The following CD8B variants were observed in gnomAD, a reference collection of about 807,000 sequenced individuals.
The protein encoded by CD8B is CD8 subunit beta, also known as T-cell surface glycoprotein CD8 beta chain.
In CD8B, 6 loss-of-function variants were observed where a neutral mutation model predicts 24.2. The observed-to-expected ratio is 0.25, with a 90% CI of 0.14 to 0.49. The LOEUF (loss-of-function observed/expected upper bound fraction) is 0.49, where lower values mean the gene tolerates loss of function less well. Among genes scored for constraint, CD8B ranks in the 20% least tolerant of loss-of-function variants. CD8B has a pLI of 0.98. For missense variants in CD8B, 196 were observed against 271.3 expected (o/e 0.72, Z 1.95); for synonymous variants, 84 against 108.3 (o/e 0.78, Z 1.39).
chr2:86,832,773 A>G (rs1181693757), intron 5 of CD8B, among the ~76,000 whole-genome samples: 1 of 152,182 alleles, frequency 6.6e-6, no homozygotes, highest in East Asian at 1.9e-4. Flanking sequence ...GAGCTTTTCA[A>G]TGTATTATAA....
intron 5 of CD8B, among the ~76,000 whole-genome samples, chr2:86,820,541 T>C (rs766680099): frequency 6.6e-6 from 1 of 152,352 alleles, no homozygotes; most frequent in Non-Finnish European, 1.5e-5. Context: ...ACGTACTTTT[T>C]TTTTCAGACA....
At chr2:86,816,911 G>C (rs950261695) in intron 5 of CD8B, among the ~76,000 whole-genome samples, 6 of 152,184 alleles carry the variant, frequency 3.9e-5, no homozygotes, top group Non-Finnish European at 7.3e-5. Flanking sequence ...TAAAGGACAA[G>C]TCTCAAATTA....
intron 2 of CD8B, among the ~76,000 whole-genome samples, chr2:86,853,614 T>G (rs1676083561): frequency 6.6e-6 from 1 of 152,194 alleles, no homozygotes; most frequent in African/African-American, 2.4e-5. Flanking sequence ...AGAGATGGGG[T>G]TCAGCTTGGT....
At chr2:86,843,703 T>C in intron 5 of CD8B, 1 of 985,296 alleles carries the variant, frequency 1.0e-6, no homozygotes, top group Non-Finnish European at 1.2e-6. Flanking sequence ...TGAAGTGACT[T>C]GAGCTTGTGC....
At chr2:86,825,534 C>T (rs907215846) in intron 5 of CD8B, among the ~76,000 whole-genome samples, 1 of 152,156 alleles carries the variant, frequency 6.6e-6, no homozygotes, top group Non-Finnish European at 1.5e-5. Flanking sequence ...GCTGTGATCA[C>T]GATGGAATCA....
chr2:86,834,888 A>T (rs1444386614), downstream of CD8B, among the ~76,000 whole-genome samples: 1 of 148,580 alleles, frequency 6.7e-6, no homozygotes, highest in Non-Finnish European at 1.5e-5. Flanking sequence ...GTGAGCCAAG[A>T]TCGTGCCACT....
intron 2 of CD8B, among the ~76,000 whole-genome samples, chr2:86,856,071 A>G (rs1053196549): frequency 1.3e-5 from 2 of 152,160 alleles, no homozygotes; most frequent in African/African-American, 2.4e-5. Flanking sequence ...TTTGTCCTCT[A>G]AAAGGCCTTT....
chr2:86,860,951 C>T (rs1187661043), intron 1 of CD8B, among the ~76,000 whole-genome samples: 4 of 152,212 alleles, frequency 2.6e-5, no homozygotes, highest in Non-Finnish European at 4.4e-5. Flanking sequence ...ATGTTCCCCT[C>T]GGTAACCCAG....
intron 5 of CD8B, among the ~76,000 whole-genome samples, chr2:86,829,346 C>T (rs1674819050): frequency 6.6e-6 from 1 of 152,106 alleles, no homozygotes; most frequent in Non-Finnish European, 1.5e-5. Context: ...ACCTCGTGAT[C>T]TGCCTGTCTC....
chr2:86,856,609 T>G (rs1176660742), intron 2 of CD8B, among the ~76,000 whole-genome samples: 1 of 151,730 alleles, frequency 6.6e-6, no homozygotes, highest in Non-Finnish European at 1.5e-5. Context: ...TGGCTTTTAG[T>G]GCCCTCAAGT....
chr2:86,849,367 C>T (rs1675858236), intron 3 of CD8B, among the ~76,000 whole-genome samples: 1 of 151,760 alleles, frequency 6.6e-6, no homozygotes. Context: ...CTCCCTCTCA[C>T]CTCCTATTTG....
intron 5 of CD8B, 181 bp downstream of exon 5, chr2:86,844,741 C>A: frequency 6.5e-7 from 1 of 1,529,856 alleles, no homozygotes; most frequent in Non-Finnish European, 8.8e-7. Flanking sequence ...CTCCTGGGCT[C>A]AAGTGATCCT....
chr2:86,815,783 A>G, intron 5 of CD8B: 1 of 874,526 alleles, frequency 1.1e-6, no homozygotes, highest in Non-Finnish European at 1.9e-6. Context: ...GTTACTTATT[A>G]AGTAATGACT....
chr2:86,848,699 A>ACATTATTT (rs1675810241), intron 3 of CD8B, among the ~76,000 whole-genome samples: 1 of 14,430 alleles, frequency 6.9e-5, no homozygotes. Context: ...TGGTATTTTT[A>ACATTATTT]AATTATTTAT....
chr2:86,857,960 T>A, intron 2 of CD8B, 97 bp downstream of exon 2: 1 of 1,288,366 alleles, frequency 7.8e-7, no homozygotes, highest in Non-Finnish European at 1.1e-6. Context: ...TAGTCACGGC[T>A]GCAGAGTGGG....
At chr2:86,817,497 T>C (rs6713793) in intron 5 of CD8B, among the ~76,000 whole-genome samples, 2,033 of 152,238 alleles carry the variant, frequency 0.013, 57 homozygotes, top group African/African-American at 0.046. Flanking sequence ...CTCAAAAATA[T>C]GTTGAATGAA....
At chr2:86,818,794 C>T (rs957566267) in intron 5 of CD8B, among the ~76,000 whole-genome samples, 1 of 152,104 alleles carries the variant, frequency 6.6e-6, no homozygotes, top group Non-Finnish European at 1.5e-5. Context: ...AAATCAAAAG[C>T]TAGAAATGAT....
At chr2:86,823,531 C>T (rs1274554576) in intron 5 of CD8B, among the ~76,000 whole-genome samples, 1 of 152,190 alleles carries the variant, frequency 6.6e-6, no homozygotes, top group East Asian at 1.9e-4. Flanking sequence ...CCTCCTACTT[C>T]AGCCTTTCAA....
In CD8B at chr2:86,842,121, G is replaced by A; in HGVS notation, c.*186C>T. ...AAACCTTCTCCCTAGTATTCCCGAT[G>A]ACCCACGAACAAGTTGCTCCCATGC... On this transcript the variant is annotated 3_prime_UTR_variant, in exon 6 of 6. Transcript: ENST00000390655. The A allele has an allele frequency of 1.4e-6, 2 of 1,419,658 alleles. No homozygotes were observed. The highest frequency in any genetic ancestry group is 2.5e-4 in the Middle Eastern group (1 of 3,974). 87.9% of individuals were successfully genotyped at this position (1,419,658 alleles called of 1,614,324 possible).
Sources: gnomAD v4.1 joint callset for allele counts (sites outside exome capture counted in the v4.1 genomes callset) on GRCh38, gnomAD v4.1.1 for gene constraint, MANE v1.5 for transcripts, NCBI Gene and HGNC (gene_info 2026-07-23, HGNC 2026-07-21) for gene names.